PPP2R2B: variants seen among roughly 807,000 people sequenced by gnomAD.
The protein encoded by PPP2R2B is serine/threonine-protein phosphatase 2A 55 kDa regulatory subunit B beta isoform.
Under a neutral mutation model 46.0 loss-of-function variants are expected in PPP2R2B, and 5 were observed. That is an observed-to-expected ratio of 0.11 (90% CI 0.06 to 0.23). PPP2R2B has a LOEUF of 0.23. Among genes scored for constraint, PPP2R2B ranks in the 10% least tolerant of loss-of-function variants. PPP2R2B has a pLI of 1.00. For missense variants in PPP2R2B, 367 were observed against 575.0 expected, an observed-to-expected ratio of 0.64 and a Z score of 3.70; for synonymous variants, 215 against 206.7, an observed-to-expected ratio of 1.04 and a Z score of -0.34.
intron 2 of PPP2R2B, among the ~76,000 whole-genome samples, chr5:146,811,085 C>T (rs987532367): frequency 1.3e-5 from 2 of 152,146 alleles, no homozygotes; most frequent in African/African-American, 4.8e-5. Flanking sequence ...CTCACTGCAA[C>T]CTCCGCCTCC....
chr5:146,626,074 A>G (rs1374090527), intron 7 of PPP2R2B, among the ~76,000 whole-genome samples: 1 of 152,356 alleles, frequency 6.6e-6, no homozygotes, highest in Admixed American at 6.5e-5. Context: ...AGACAGTGAG[A>G]CCAATGTCAG....
At chr5:146,959,582 C>G (rs973786134) in intron 1 of PPP2R2B, among the ~76,000 whole-genome samples, 2 of 151,948 alleles carry the variant, frequency 1.3e-5, no homozygotes, top group African/African-American at 4.8e-5. Flanking sequence ...GAACTGCAGG[C>G]AGGGTTGGGG....
At chr5:146,982,964 G>A (rs552523763) in intron 1 of PPP2R2B, among the ~76,000 whole-genome samples, 4 of 151,870 alleles carry the variant, frequency 2.6e-5, no homozygotes, top group Non-Finnish European at 4.4e-5. Flanking sequence ...GTTAGCTTAC[G>A]TTTTCTCAAT....
chr5:146,840,474 C>T (rs1186723097), intron 2 of PPP2R2B, among the ~76,000 whole-genome samples: 3 of 152,128 alleles, frequency 2.0e-5, no homozygotes, highest in South Asian at 4.1e-4. Context: ...TTCAGAATAA[C>T]CAAATTAATC....
At chr5:146,762,216 G>A (rs1183181016) in intron 2 of PPP2R2B, among the ~76,000 whole-genome samples, 3 of 152,214 alleles carry the variant, frequency 2.0e-5, no homozygotes, top group East Asian at 3.8e-4. Context: ...ACAGTTTACT[G>A]CAGAATATAG....
chr5:146,773,006 G>C (rs1754967560), intron 2 of PPP2R2B, among the ~76,000 whole-genome samples: 2 of 152,156 alleles, frequency 1.3e-5, no homozygotes, highest in Admixed American at 1.3e-4. Flanking sequence ...CATCACAAAT[G>C]AGTTCTGATG....
chr5:146,976,502 T>C (rs948335032), intron 1 of PPP2R2B, among the ~76,000 whole-genome samples: 2 of 152,134 alleles, frequency 1.3e-5, no homozygotes, highest in Non-Finnish European at 2.9e-5. Context: ...TTTTTGTATA[T>C]GGTACAAAGG....
chr5:147,000,745 G>T (rs921573026), intron 1 of PPP2R2B, among the ~76,000 whole-genome samples: 1 of 151,536 alleles, frequency 6.6e-6, no homozygotes, highest in African/African-American at 2.4e-5. Context: ...AATTGATTGA[G>T]ATAACACCCA....
At chr5:146,687,927 G>A (rs1217673532) in intron 5 of PPP2R2B, among the ~76,000 whole-genome samples, 1 of 152,160 alleles carries the variant, frequency 6.6e-6, no homozygotes, top group Non-Finnish European at 1.5e-5. Flanking sequence ...GTACAGGGAA[G>A]GGAAAAAAAG....
rs141567663 is a variant in PPP2R2B, at chr5:146,649,599, C to T, written c.625+948G>A. On this transcript the variant is annotated intron_variant, in intron 6 of 9. Transcript: ENST00000394411. ...AACTGGGACTACAGGCGCCCGCCAC[C>T]ATGCCTGGCTAATTTCTTTTTTGTA... is the stretch of plus-strand genomic sequence containing the variant. Among the ~76,000 whole-genome samples the T allele has an allele frequency of 7.9e-4, 120 of 152,174 alleles. No individual in the cohort carries two copies. The East Asian group carries it at 0.023, about 29-fold the overall frequency.
chr5:147,064,661 A>G (rs967597964), intron 2 of PPP2R2B, among the ~76,000 whole-genome samples: 1 of 152,244 alleles, frequency 6.6e-6, no homozygotes, highest in South Asian at 2.1e-4. Context: ...CAGGTCTAGT[A>G]TACAAATCAA....
chr5:146,712,817 T>C (rs1192566014), intron 2 of PPP2R2B, among the ~76,000 whole-genome samples: 1 of 152,132 alleles, frequency 6.6e-6, no homozygotes, highest in Non-Finnish European at 1.5e-5. Context: ...GTAGCTGTGT[T>C]CCCCTGCTAG....
At chr5:146,998,732 G>C (rs929220988) in intron 1 of PPP2R2B, among the ~76,000 whole-genome samples, 1 of 152,250 alleles carries the variant, frequency 6.6e-6, no homozygotes, top group Middle Eastern at 3.4e-3. Flanking sequence ...TCTTTCAAAA[G>C]AAATTAACCA....
At chr5:146,918,554 A>G (rs999037264) in intron 1 of PPP2R2B, among the ~76,000 whole-genome samples, 2 of 152,124 alleles carry the variant, frequency 1.3e-5, no homozygotes, top group African/African-American at 2.4e-5. Flanking sequence ...TGCCTTTAGG[A>G]TAAAGTCCAA....
chr5:146,647,728 T>C (rs1399343935), intron 6 of PPP2R2B, among the ~76,000 whole-genome samples: 1 of 152,120 alleles, frequency 6.6e-6, no homozygotes, highest in African/African-American at 2.4e-5. Context: ...ACATGTCACC[T>C]AGACTGGGGA....
chr5:147,003,010 C>T (rs775215447), intron 1 of PPP2R2B, among the ~76,000 whole-genome samples: 13 of 152,096 alleles, frequency 8.5e-5, no homozygotes, highest in South Asian at 4.2e-4. Context: ...CCAATATTCT[C>T]TCTCTGATGG....
At chr5:147,004,280 C>T (rs991402840) in intron 1 of PPP2R2B, among the ~76,000 whole-genome samples, 1 of 152,082 alleles carries the variant, frequency 6.6e-6, no homozygotes, top group African/African-American at 2.4e-5. Flanking sequence ...ACACACTGCC[C>T]CAGAGGGCAA....
intron 1 of PPP2R2B, among the ~76,000 whole-genome samples, chr5:146,998,429 G>A (rs1302241463): frequency 6.6e-6 from 1 of 152,160 alleles, no homozygotes; most frequent in East Asian, 1.9e-4. Context: ...CCAGGAAGTG[G>A]GAGTGACTCA....
intron 5 of PPP2R2B, among the ~76,000 whole-genome samples, chr5:146,666,080 CAA>C (rs773448709): frequency 1.3e-5 from 2 of 152,148 alleles, no homozygotes; most frequent in African/African-American, 4.8e-5. Context: ...AATTTAGAAA[CAA>C]TGTGAATATC....
Sources: allele counts gnomAD v4.1 joint callset (sites outside exome capture counted in the v4.1 genomes callset), GRCh38; gene constraint gnomAD v4.1.1; transcripts MANE v1.5; gene names NCBI Gene and HGNC (gene_info 2026-07-23, HGNC 2026-07-21).